TMEM135: variants seen among roughly 807,000 people sequenced by gnomAD.
TMEM135 encodes the protein peroxisomal membrane protein 52.
Under a neutral mutation model 60.3 loss-of-function variants are expected in TMEM135, and 30 were observed. The observed-to-expected ratio is 0.50, with a 90% CI of 0.37 to 0.68. The LOEUF is 0.68. Among genes scored for constraint, TMEM135 ranks in the 30% least tolerant of loss-of-function variants. The pLI, the probability that TMEM135 is intolerant of heterozygous loss-of-function variation, is 0.00. For missense variants in TMEM135, 468 were observed against 548.8 expected (o/e 0.85, Z 1.47); for synonymous variants, 190 against 186.7 (o/e 1.02, Z -0.14).
chr11:87,155,415 T>TA (rs1938667068), intron 4 of TMEM135, among the ~76,000 whole-genome samples: 1 of 152,252 alleles, frequency 6.6e-6, no homozygotes, highest in South Asian at 2.1e-4. Flanking sequence ...GTTTTAGGTC[T>TA]TAAATTTATG....
intron 4 of TMEM135, among the ~76,000 whole-genome samples, chr11:87,144,108 T>A (rs1158279590): frequency 6.7e-6 from 1 of 150,202 alleles, no homozygotes; most frequent in African/African-American, 2.4e-5. Flanking sequence ...TGTACCTGAT[T>A]AAAAAAATTG....
At chr11:87,271,454 C>G (rs1361258381) in intron 6 of TMEM135, among the ~76,000 whole-genome samples, 1 of 152,164 alleles carries the variant, frequency 6.6e-6, no homozygotes, top group Non-Finnish European at 1.5e-5. Flanking sequence ...ATGGTAGCCA[C>G]TAGCACATAC....
chr11:87,047,327 T>C (rs1949805185), intron 1 of TMEM135, among the ~76,000 whole-genome samples: 1 of 152,016 alleles, frequency 6.6e-6, no homozygotes, highest in African/African-American at 2.4e-5. Flanking sequence ...GATGGCCGAA[T>C]AGGAACAGCT....
At chr11:87,215,059 T>TA (rs1240451776) in intron 5 of TMEM135, among the ~76,000 whole-genome samples, 1 of 152,130 alleles carries the variant, frequency 6.6e-6, no homozygotes, top group East Asian at 1.9e-4. Flanking sequence ...AAAATATATT[T>TA]AATTATATTA....
chr11:87,267,762 C>CAG (rs1941778947), intron 6 of TMEM135, among the ~76,000 whole-genome samples: 1 of 151,918 alleles, frequency 6.6e-6, no homozygotes, highest in Non-Finnish European at 1.5e-5. Context: ...GCATGGTCTC[C>CAG]ACTCACAGCA....
In TMEM135 at chr11:87,102,746, ATGTATATATAC is replaced by A. The variant is rs1857492946; in HGVS notation, c.396+11352_396+11362del. ...TATATATGTATATATATATGTATAT[ATGTATATATAC>A]AGCATGAAATGATTAAATCAAATTA... On this transcript the variant is annotated intron_variant, in intron 4 of 14. Coordinates refer to ENST00000305494, the MANE Select transcript of TMEM135 (RefSeq NM_022918.4). 6.8e-5 allele frequency among the ~76,000 whole-genome samples: 10 copies of A among 146,030 alleles called. No individual in the cohort carries two copies. The South Asian group carries it at 2.1e-3, about 31-fold the overall frequency.
chr11:87,140,549 A>G (rs932560834), intron 4 of TMEM135, among the ~76,000 whole-genome samples: 2 of 152,208 alleles, frequency 1.3e-5, no homozygotes, highest in Non-Finnish European at 2.9e-5. Flanking sequence ...GAGAGGGAAT[A>G]TGTATGGGGG....
chr11:87,259,830 A>G (rs1235840833), intron 6 of TMEM135, among the ~76,000 whole-genome samples: 1 of 152,214 alleles, frequency 6.6e-6, no homozygotes, highest in Non-Finnish European at 1.5e-5. Flanking sequence ...ATCTCTGTCT[A>G]GCGTCTTCCC....
chr11:87,138,371 T>A (rs643175), intron 4 of TMEM135, among the ~76,000 whole-genome samples: 1 of 151,660 alleles, frequency 6.6e-6, no homozygotes, highest in South Asian at 2.1e-4. Context: ...GATTACAGGT[T>A]TGAGCCACTG....
At chr11:87,174,663 A>G (rs567627109) in intron 5 of TMEM135, among the ~76,000 whole-genome samples, 53 of 152,266 alleles carry the variant, frequency 3.5e-4, no homozygotes, top group Non-Finnish European at 6.5e-4. Context: ...ATTATAAGCA[A>G]GGTACAGTAA....
intron 6 of TMEM135, among the ~76,000 whole-genome samples, chr11:87,281,361 C>T (rs1286744712): frequency 6.6e-6 from 1 of 152,150 alleles, no homozygotes; most frequent in Non-Finnish European, 1.5e-5. Flanking sequence ...ATGCACTGTA[C>T]TAGGCACTGG....
chr11:87,038,349 G>T (rs531628938), intron 1 of TMEM135, among the ~76,000 whole-genome samples, 163 bp downstream of exon 1: 1 of 152,140 alleles, frequency 6.6e-6, no homozygotes, highest in South Asian at 2.1e-4. Context: ...GGGGGAGGTC[G>T]CAAGGGAAGG....
At chr11:87,053,269 C>T (rs1949857698) in intron 1 of TMEM135, among the ~76,000 whole-genome samples, 1 of 139,416 alleles carries the variant, frequency 7.2e-6, no homozygotes, top group South Asian at 2.3e-4. Flanking sequence ...GAAAAAAATT[C>T]GTGCCTCAAT....
intron 5 of TMEM135, among the ~76,000 whole-genome samples, chr11:87,214,169 C>T (rs187782855): frequency 5.3e-5 from 8 of 152,048 alleles, no homozygotes; most frequent in Admixed American, 5.2e-4. Flanking sequence ...TGCTCTGAGA[C>T]CACAAAAGGA....
At chr11:87,109,669 AG>A (rs1205043984) in intron 4 of TMEM135, among the ~76,000 whole-genome samples, 1 of 152,218 alleles carries the variant, frequency 6.6e-6, no homozygotes, top group Non-Finnish European at 1.5e-5. Context: ...CCATGGATAA[AG>A]GGGGACTATT....
intron 3 of TMEM135, among the ~76,000 whole-genome samples, chr11:87,080,256 T>G (rs1203430828): frequency 1.3e-5 from 2 of 151,326 alleles, no homozygotes; most frequent in Non-Finnish European, 2.9e-5. Flanking sequence ...TTGGCACTAT[T>G]GACATGTTTT....
rs377443980 is a variant in TMEM135, at chr11:87,301,664, T to C, written c.552-632T>C. Among the ~76,000 whole-genome samples, 25 of 152,310 alleles carry C rather than the reference T, an allele frequency of 1.6e-4. No individual in the cohort carries two copies. The East Asian group carries it at 4.6e-3, about 28-fold the overall frequency. Reference sequence around the variant, plus strand: ...CTTGGGAAAGCTTAGTTATTCTTTATAAGGGCAATGACTCTTACAGGATAG... The same window carrying C: ...CTTGGGAAAGCTTAGTTATTCTTTACAAGGGCAATGACTCTTACAGGATAG... On this transcript the variant is annotated intron_variant, in intron 7 of 14. Coordinates refer to ENST00000305494, the MANE Select transcript of TMEM135 (RefSeq NM_022918.4).
rs569981857 is a variant in TMEM135, at chr11:87,041,861, C to A, written c.141+3675C>A. 3.3e-5 allele frequency among the ~76,000 whole-genome samples: 5 copies of A among 152,312 alleles called. No individual in the cohort carries two copies. In the South Asian group the frequency reaches 1.0e-3, roughly 32 times the overall value. ...GCATTTTGTGGCAGAATGAACAGGA[C>A]TTAGAGACCAAGGATATTGGGGCAG... On this transcript the variant is annotated intron_variant, in intron 1 of 14. Transcript: ENST00000305494.
chr11:87,316,467 TATTTA>T (rs1000529212), intron 12 of TMEM135, among the ~76,000 whole-genome samples: 2 of 152,048 alleles, frequency 1.3e-5, no homozygotes, highest in African/African-American at 4.8e-5. Flanking sequence ...GAAATGACAG[TATTTA>T]ATTCACATTT....
Sources: gnomAD v4.1 joint callset for allele counts (sites outside exome capture counted in the v4.1 genomes callset) on GRCh38, gnomAD v4.1.1 for gene constraint, MANE v1.5 for transcripts, NCBI Gene and HGNC (gene_info 2026-07-23, HGNC 2026-07-21) for gene names.